The following SHANK2 variants were observed in gnomAD, a reference collection of about 807,000 sequenced individuals.
SHANK2 encodes the protein SH3 and multiple ankyrin repeat domains 2, also known as SH3 and multiple ankyrin repeat domains protein 2.
A neutral mutation model predicts 133.7 loss-of-function variants in SHANK2; 43 were observed. The ratio of observed to expected loss-of-function variants is 0.32; its 90% CI spans 0.25 to 0.41. The LOEUF is 0.41. SHANK2 is among the 10% of genes least tolerant of loss of function. The pLI, the probability that SHANK2 is intolerant of heterozygous loss-of-function variation, is 1.00. For missense variants in SHANK2, 1,994 were observed against 2,235.8 expected (o/e 0.89, Z 2.18); for synonymous variants, 1,017 against 952.8 (o/e 1.07, Z -1.24).
intron 11 of SHANK2, among the ~76,000 whole-genome samples, chr11:70,847,027 T>C (rs1461751845): frequency 6.6e-6 from 1 of 152,198 alleles, no homozygotes; most frequent in Non-Finnish European, 1.5e-5. Flanking sequence ...GCCTGGGCAT[T>C]CCCATCCCTG....
chr11:70,874,674 TAAAA>T (rs34587004), intron 11 of SHANK2, among the ~76,000 whole-genome samples: 3 of 114,218 alleles, frequency 2.6e-5, no homozygotes, highest in Non-Finnish European at 5.2e-5. Flanking sequence ...CTGCATTTAC[TAAAA>T]AAAAAAAAAA....
chr11:70,787,994 TG>T (rs1555047062), intron 14 of SHANK2, among the ~76,000 whole-genome samples: 1 of 152,194 alleles, frequency 6.6e-6, no homozygotes, highest in Admixed American at 6.5e-5. Context: ...GGTGAGAGGA[TG>T]CAACCACAGG....
intron 17 of SHANK2, among the ~76,000 whole-genome samples, chr11:70,571,000 G>A (rs576723184): frequency 1.2e-4 from 18 of 152,290 alleles, no homozygotes; most frequent in Admixed American, 1.0e-3. Flanking sequence ...GTTCATGGGT[G>A]TTAGCATTTC....
chr11:70,867,850 A>G (rs1304029450), intron 11 of SHANK2, among the ~76,000 whole-genome samples: 3 of 152,138 alleles, frequency 2.0e-5, no homozygotes, highest in Non-Finnish European at 4.4e-5. Flanking sequence ...CTGCTCCTGC[A>G]CCGGCCGGCC....
intron 11 of SHANK2, among the ~76,000 whole-genome samples, chr11:70,841,301 A>T (rs962169852): frequency 6.6e-6 from 1 of 152,184 alleles, no homozygotes; most frequent in Non-Finnish European, 1.5e-5. Flanking sequence ...CCGCAGTGAA[A>T]GGTGGGCAGT....
chr11:70,685,279 G>T (rs575077045), intron 15 of SHANK2, among the ~76,000 whole-genome samples: 1 of 151,994 alleles, frequency 6.6e-6, no homozygotes, highest in East Asian at 1.9e-4. Flanking sequence ...TCCTCCTGCC[G>T]CCCAGAAAAG....
intron 3 of SHANK2, among the ~76,000 whole-genome samples, chr11:71,129,982 C>T (rs575954884): frequency 2.0e-5 from 3 of 152,192 alleles, no homozygotes; most frequent in South Asian, 2.1e-4. Context: ...GGCTTGCAGA[C>T]GGCCACCTTC....
Position 70,807,220 on chromosome 11 carries a change from C to A in SHANK2, c.1494-49G>T. The A allele has an allele frequency of 4.3e-6, 3 of 698,510 alleles. No individual in the cohort carries two copies. In the South Asian group the frequency reaches 4.6e-5, roughly 11 times the overall value. The allele number at this position is 698,510 out of a possible 1,614,324, so 43.3% of individuals were successfully genotyped here. A position where few individuals can be genotyped will look rare whatever the true frequency, so the allele number is the denominator to read the frequency against. ...GAGAGAGAGAGCAGAGTCACAAGGT[C>A]ACAAGCCACATGCCACAAACCACAG... On this transcript the variant is annotated intron_variant, in intron 12 of 25. Transcript: ENST00000601538. This position sits in a 1 kb window ranked among gnomAD's most constrained non-coding sequence, Gnocchi z 4.8.
At chr11:71,136,754 T>C (rs1481314623) in intron 3 of SHANK2, among the ~76,000 whole-genome samples, 1 of 152,088 alleles carries the variant, frequency 6.6e-6, no homozygotes, top group Non-Finnish European at 1.5e-5. Context: ...GGGCTGGAAG[T>C]GGGGGTGGGG....
intron 1 of SHANK2, among the ~76,000 whole-genome samples, chr11:71,225,104 C>T (rs1555121973): frequency 1.3e-5 from 2 of 152,146 alleles, no homozygotes; most frequent in Non-Finnish European, 2.9e-5. Flanking sequence ...GCTGAATAAG[C>T]CAGCAACCCA....
chr11:71,056,838 C>T (rs912598742), intron 9 of SHANK2, among the ~76,000 whole-genome samples: 6 of 151,116 alleles, frequency 4.0e-5, no homozygotes, highest in Admixed American at 6.6e-5. Flanking sequence ...CAGTAAAATA[C>T]AGAAAGGAAG....
chr11:70,819,502 G>A (rs1465785452), intron 12 of SHANK2, among the ~76,000 whole-genome samples: 2 of 152,232 alleles, frequency 1.3e-5, no homozygotes, highest in Admixed American at 6.5e-5. Context: ...GAGGTGGCGT[G>A]AGAAAGGCAG....
chr11:71,104,849 G>A (rs567154377), intron 6 of SHANK2, among the ~76,000 whole-genome samples: 3 of 152,338 alleles, frequency 2.0e-5, no homozygotes, highest in African/African-American at 4.8e-5. Context: ...GTGAGACCAG[G>A]GCCATCTGCG....
chr11:70,887,863 G>C (rs1162230884), intron 11 of SHANK2, among the ~76,000 whole-genome samples: 2 of 152,028 alleles, frequency 1.3e-5, no homozygotes, highest in Non-Finnish European at 2.9e-5. Flanking sequence ...TAGAGGCAAA[G>C]GTGAGTCTCA....
At position 70,876,237 on chromosome 11, in the gene SHANK2, C is replaced by CACACATAT. The variant is rs4025747; in HGVS notation, c.1174+20263_1174+20264insATATGTGT. Reference sequence around the variant, plus strand: ...TGTATATACATAATACACACACACACATATAGACACACACACACACACACA... The same window carrying CACACATAT: ...TGTATATACATAATACACACACACACACACATATATATAGACACACACACACACACACA... On this transcript the variant is annotated intron_variant, in intron 11 of 25. Coordinates refer to ENST00000601538, the MANE Select transcript of SHANK2 (RefSeq NM_012309.5). Among the ~76,000 whole-genome samples, 351 of 147,528 alleles carry CACACATAT rather than the reference C, an allele frequency of 2.4e-3. 2 individuals carry two copies. The highest frequency in any genetic ancestry group is 7.2e-3 in the South Asian group (34 of 4,694).
chr11:71,146,187 T>C (rs1952639639), intron 3 of SHANK2, among the ~76,000 whole-genome samples: 1 of 152,210 alleles, frequency 6.6e-6, no homozygotes, highest in African/African-American at 2.4e-5. Context: ...TCCAGCTCTG[T>C]CCCACATCTC....
At chr11:70,914,643 A>G (rs1366585332) in intron 10 of SHANK2, among the ~76,000 whole-genome samples, 3 of 136,296 alleles carry the variant, frequency 2.2e-5, no homozygotes, top group Non-Finnish European at 5.0e-5. Flanking sequence ...GGTCTTAAGC[A>G]AGAACCCTAC....
intron 6 of SHANK2, among the ~76,000 whole-genome samples, chr11:71,103,752 C>T (rs946079939): frequency 1.3e-5 from 2 of 151,866 alleles, no homozygotes; most frequent in Non-Finnish European, 2.9e-5. Context: ...AGCACCATCC[C>T]CTTCCTTGGT....
At position 70,551,033 on chromosome 11, in the gene SHANK2, G is replaced by A. The variant is rs545776329; in HGVS notation, c.2062-48102C>T. Among the ~76,000 whole-genome samples, 11 of 152,342 alleles carry A rather than the reference G, an allele frequency of 7.2e-5. No homozygotes were observed. In the South Asian group the frequency reaches 2.3e-3, roughly 32 times the overall value. On this transcript the variant is annotated intron_variant, in intron 17 of 25. Coordinates refer to ENST00000601538, the MANE Select transcript of SHANK2 (RefSeq NM_012309.5). Reference sequence around the variant, plus strand: ...GATGCCCCTGAGGGCCAAGCGGGGAGGGCCAAGGGGCTGGAGTGCCAGCGG... The same window carrying A: ...GATGCCCCTGAGGGCCAAGCGGGGAAGGCCAAGGGGCTGGAGTGCCAGCGG...
Sources: gnomAD v4.1 joint callset for allele counts (sites outside exome capture counted in the v4.1 genomes callset) on GRCh38, gnomAD v4.1.1 for gene constraint, Gnocchi (gnomAD v3.1) non-coding constraint, MANE v1.5 for transcripts, NCBI Gene and HGNC (gene_info 2026-07-23, HGNC 2026-07-21) for gene names.